The following TMEM71 variants were observed in gnomAD, a reference collection of about 807,000 sequenced individuals.
TMEM71 encodes transmembrane protein 71.
Under a neutral mutation model 38.0 loss-of-function variants are expected in TMEM71, and 44 were observed. The observed-to-expected ratio is 1.16, with a 90% CI of 0.91 to 1.49. TMEM71 has a LOEUF of 1.49. Among genes scored for constraint, TMEM71 ranks in the 40% most tolerant of loss-of-function variants. The pLI, the probability that TMEM71 is intolerant of heterozygous loss-of-function variation, is 0.00. For synonymous variants in TMEM71, 133 were observed against 122.5 expected, an observed-to-expected ratio of 1.09 and a Z score of -0.56; for missense variants, 367 against 348.6, an observed-to-expected ratio of 1.05 and a Z score of -0.42.
chr8:132,724,287 C>A (rs531463829), intron 6 of TMEM71, among the ~76,000 whole-genome samples: 1 of 152,288 alleles, frequency 6.6e-6, no homozygotes, highest in African/African-American at 2.4e-5. Flanking sequence ...GAGGGTACTG[C>A]AGGAGACCAG....
intron 5 of TMEM71, among the ~76,000 whole-genome samples, chr8:132,741,439 C>A (rs1027437074): frequency 2.6e-5 from 4 of 152,232 alleles, no homozygotes; most frequent in Non-Finnish European, 4.4e-5. Flanking sequence ...ACCACCAATG[C>A]GCAGAGACCA....
chr8:132,708,326 C>T (rs1288230177), downstream of TMEM71, among the ~76,000 whole-genome samples: 3 of 152,224 alleles, frequency 2.0e-5, no homozygotes, highest in Non-Finnish European at 4.4e-5. Context: ...ATACTCTCCA[C>T]TCCAAGTAGT....
intron 5 of TMEM71, among the ~76,000 whole-genome samples, chr8:132,730,878 T>C (rs1364680180): frequency 6.6e-6 from 1 of 152,132 alleles, no homozygotes; most frequent in Non-Finnish European, 1.5e-5. Context: ...GGTGTGTGTG[T>C]ACATGTGTGC....
the TMEM71 span, among the ~76,000 whole-genome samples, chr8:132,773,901 CA>C: frequency 6.6e-6 from 1 of 152,112 alleles, no homozygotes; most frequent in Admixed American, 6.5e-5. Context: ...CCCAAATCTC[CA>C]TAGTTAAAAT....
intron 7 of TMEM71, among the ~76,000 whole-genome samples, chr8:132,717,827 A>G (rs1826615775): frequency 6.6e-6 from 1 of 152,226 alleles, no homozygotes; most frequent in South Asian, 2.1e-4. Flanking sequence ...TAATGGTCAA[A>G]TGGGGAAAAA....
Position 132,746,236 on chromosome 8 carries a change from C to T in TMEM71, c.487+706G>A, listed in dbSNP as rs141245827. On this transcript the variant is annotated intron_variant, in intron 5 of 9. Coordinates refer to ENST00000677595, the MANE Select transcript of TMEM71 (RefSeq NM_001382403.1). ...GAGTTCCCATCACTGTGTTTATATA[C>T]ATGTATATACACATATTTACCTGTA... 2.7e-4 allele frequency among the ~76,000 whole-genome samples: 40 copies of T among 150,388 alleles called. No individual in the cohort carries two copies. In the East Asian group the frequency reaches 7.2e-3, roughly 27 times the overall value.
At chr8:132,764,657 C>A (rs2131227788), upstream of TMEM71, among the ~76,000 whole-genome samples, 1 of 152,300 alleles carries the variant, frequency 6.6e-6, no homozygotes. Flanking sequence ...GTGCTATTTT[C>A]TTCATCTCCC....
intron 6 of TMEM71, among the ~76,000 whole-genome samples, chr8:132,723,201 C>T (rs1376694783): frequency 6.6e-6 from 1 of 152,172 alleles, no homozygotes; most frequent in Non-Finnish European, 1.5e-5. Flanking sequence ...TGTTCATGTA[C>T]ATTGTGAATT....
chr8:132,765,550 G>A (rs538681391), upstream of TMEM71, among the ~76,000 whole-genome samples: 2 of 152,082 alleles, frequency 1.3e-5, no homozygotes, highest in African/African-American at 4.8e-5. Flanking sequence ...GTGGATTCCA[G>A]TTTTCCCTGC....
chr8:132,771,127 T>C, the TMEM71 span, among the ~76,000 whole-genome samples: 2 of 152,232 alleles, frequency 1.3e-5, no homozygotes, highest in South Asian at 4.1e-4. Flanking sequence ...CACGAGTGGA[T>C]TCCATATTCA....
At chr8:132,748,964 C>A (rs1828543089) in intron 4 of TMEM71, among the ~76,000 whole-genome samples, 1 of 152,204 alleles carries the variant, frequency 6.6e-6, no homozygotes, top group Non-Finnish European at 1.5e-5. Flanking sequence ...GTAATAAAAT[C>A]TACGTCATAA....
intron 4 of TMEM71, among the ~76,000 whole-genome samples, chr8:132,749,877 G>A (rs1285353682): frequency 6.6e-6 from 1 of 152,040 alleles, no homozygotes; most frequent in Non-Finnish European, 1.5e-5. Context: ...AGCTGGACAT[G>A]GTGGTGCATG....
At chr8:132,750,377 C>T (rs1046892728) in intron 4 of TMEM71, among the ~76,000 whole-genome samples, 2 of 152,128 alleles carry the variant, frequency 1.3e-5, no homozygotes, top group African/African-American at 4.8e-5. Flanking sequence ...TTGAATTGAC[C>T]AATGAGATGG....
intron 8 of TMEM71, 40 bp from the exon 9 acceptor site, chr8:132,714,092 A>T: frequency 6.2e-7 from 1 of 1,613,396 alleles, no homozygotes; most frequent in Non-Finnish European, 8.5e-7. Flanking sequence ...ATCATTTTAA[A>T]GTGACCAAAA....
intron 4 of TMEM71, among the ~76,000 whole-genome samples, chr8:132,748,968 G>A (rs928565745): frequency 5.9e-5 from 9 of 152,294 alleles, no homozygotes; most frequent in Admixed American, 2.6e-4. Flanking sequence ...TAAAATCTAC[G>A]TCATAAGATT....
intron 2 of TMEM71, chr8:132,758,623 ATTT>A: frequency 2.2e-6 from 1 of 450,926 alleles, no homozygotes; most frequent in Non-Finnish European, 4.0e-6. Flanking sequence ...AAAAACGGTG[ATTT>A]TTTTTTTTCT....
At chr8:132,747,592 G>T (rs1828462365) in intron 4 of TMEM71, among the ~76,000 whole-genome samples, 1 of 152,170 alleles carries the variant, frequency 6.6e-6, no homozygotes, top group Non-Finnish European at 1.5e-5. Context: ...TGCCTCCACG[G>T]TCTTTGCTTT....
chr8:132,749,312 A>G (rs1828561599), intron 4 of TMEM71, among the ~76,000 whole-genome samples: 1 of 152,220 alleles, frequency 6.6e-6, no homozygotes, highest in Non-Finnish European at 1.5e-5. Flanking sequence ...GAAAGACAAG[A>G]GGAACAATTC....
Position 132,747,096 on chromosome 8 carries a change from CT to C in TMEM71, c.332del (p.Lys111ArgfsTer38). ...GAGAAGAAAAGGAATGGCAGATTCT[CT>C]TTTTCTTTCTAAATATCCTAGAGAG... ...ENLVRIFRKK[K>X]RICHSFSSLF... is the part of the protein sequence containing the mutation. On this transcript the variant is annotated frameshift_variant, in exon 5 of 10. Transcript: ENST00000677595. LOFTEE classifies it high-confidence loss of function. 6.2e-7 allele frequency: 1 copy of C among 1,605,212 alleles called. No individual in the cohort carries two copies. Among genetic ancestry groups the C allele is most frequent in the South Asian group, 1.1e-5 (1 of 89,456 alleles).
Sources: allele counts gnomAD v4.1 joint callset (sites outside exome capture counted in the v4.1 genomes callset), GRCh38; gene constraint gnomAD v4.1.1; transcripts MANE v1.5; gene names NCBI Gene and HGNC (gene_info 2026-07-23, HGNC 2026-07-21).